P2RX7: variants seen among roughly 807,000 people sequenced by gnomAD.
P2RX7 encodes the protein purinergic receptor P2X 7.
A neutral mutation model predicts 71.6 loss-of-function variants in P2RX7; 62 were observed. The observed-to-expected ratio is 0.87, with a 90% confidence interval of 0.71 to 1.07. P2RX7 has a LOEUF of 1.07. Ranked by LOEUF, P2RX7 falls within the 50% of genes least tolerant of loss-of-function variation. The probability of loss-of-function intolerance (pLI) is 0.00; values close to 1 mark genes in which losing one functional copy is unlikely to be tolerated. For synonymous variants in P2RX7, 299 were observed against 283.3 expected, an observed-to-expected ratio of 1.06 and a Z score of -0.56; for missense variants, 686 against 748.5, an observed-to-expected ratio of 0.92 and a Z score of 0.97.
At chr12:121,144,447 C>A (rs541701358) in intron 1 of P2RX7, among the ~76,000 whole-genome samples, 124 of 152,348 alleles carry the variant, frequency 8.1e-4, no homozygotes, top group African/African-American at 2.8e-3. Flanking sequence ...GGCCACCCGC[C>A]TTGGCCTCCC....
intron 11 of P2RX7, among the ~76,000 whole-genome samples, chr12:121,178,546 C>A (rs921447278): frequency 6.6e-6 from 1 of 152,188 alleles, no homozygotes; most frequent in African/African-American, 2.4e-5. Context: ...AATCCCAACA[C>A]TTTGGGAGGC....
chr12:121,143,292 G>A (rs759392913), intron 1 of P2RX7, among the ~76,000 whole-genome samples: 4 of 151,700 alleles, frequency 2.6e-5, no homozygotes, highest in African/African-American at 4.8e-5. Context: ...TACTTGGCAG[G>A]CCGAGGCAGG....
intron 8 of P2RX7, among the ~76,000 whole-genome samples, chr12:121,173,832 A>G (rs1653602): frequency 0.39 from 58,950 of 151,698 alleles, 11,906 homozygotes; most frequent in African/African-American, 0.45. Context: ...GAGGGTTTGT[A>G]ATATGATTTT....
At chr12:121,165,528 A>G (rs1466908046) in intron 6 of P2RX7, 91 bp downstream of exon 6, 5 of 996,358 alleles carry the variant, frequency 5.0e-6, no homozygotes, top group Non-Finnish European at 4.7e-6. Flanking sequence ...ACAAACGCCT[A>G]TTGTCTCCCA....
At chr12:121,148,335 C>T (rs929151709) in intron 1 of P2RX7, among the ~76,000 whole-genome samples, 2 of 151,912 alleles carry the variant, frequency 1.3e-5, no homozygotes, top group African/African-American at 2.4e-5. Flanking sequence ...CCACCTCAGC[C>T]TCCCAAGTAG....
rs754445797 is a variant in P2RX7 at position 121,177,311 on chromosome 12, C to T, written c.1053C>T (p.Ile351=). The T allele has an allele frequency of 6.8e-6, 11 of 1,613,902 alleles. No individual in the cohort carries two copies. The African/African-American group carries it at 1.1e-4, about 16-fold the overall frequency. The change falls in exon 11 of 13, where the codon ATC becomes ATT. Residue 351 remains isoleucine, a synonymous_variant. Transcript: ENST00000328963. ...LSYFGLAAVF[I]DFLIDTYSSN... Reference sequence around the variant, plus strand: ...ATTCTCCCCAGGCCGCTGTGTTCATCGACTTCCTCATCGACACTTACTCCA... The same window carrying T: ...ATTCTCCCCAGGCCGCTGTGTTCATTGACTTCCTCATCGACACTTACTCCA...
At chr12:121,176,225 TTCA>T (rs1883086023) in intron 9 of P2RX7, among the ~76,000 whole-genome samples, 1 of 85,486 alleles carries the variant, frequency 1.2e-5, no homozygotes, top group African/African-American at 5.0e-5. Flanking sequence ...CCCCAGCCCC[TTCA>T]ACACACACAC....
intron 1 of P2RX7, among the ~76,000 whole-genome samples, chr12:121,147,624 G>GTTTT (rs1421730051): frequency 6.6e-6 from 1 of 151,844 alleles, no homozygotes; most frequent in Non-Finnish European, 1.5e-5. Flanking sequence ...TTGTTTGTTT[G>GTTTT]TTTGTCTTGA....
At chr12:121,141,161 CT>C (rs1290719717) in intron 1 of P2RX7, among the ~76,000 whole-genome samples, 1 of 152,216 alleles carries the variant, frequency 6.6e-6, no homozygotes, top group African/African-American at 2.4e-5. Context: ...TATCCGCATC[CT>C]TTTTTTCATG....
intron 1 of P2RX7, among the ~76,000 whole-genome samples, chr12:121,135,948 G>A (rs1444372390): frequency 5.1e-5 from 7 of 137,936 alleles, no homozygotes; most frequent in Non-Finnish European, 1.1e-4. Flanking sequence ...AGGTTGCAGT[G>A]AGCCAAGATT....
rs200573297 is a variant in P2RX7, at chr12:121,132,996, A to C, written c.26A>C (p.Asp9Ala). Reference protein sequence around the residue: MPACCSCSDVFQYETNKVT... With the variant: MPACCSCSAVFQYETNKVT... ...ATGCCGGCCTGCTGCAGCTGCAGTG[A>C]TGTTTTCCAGTATGAGACGAACAAA... The change falls in exon 1 of 13, where the codon GAT becomes GCT. Residue 9 changes from aspartate to alanine, a missense_variant. Coordinates refer to ENST00000328963, the MANE Select transcript of P2RX7 (RefSeq NM_002562.6). The C allele has an allele frequency of 6.8e-6, 11 of 1,613,778 alleles. No homozygotes were observed. The highest frequency in any genetic ancestry group is 8.5e-6 in the Non-Finnish European group (10 of 1,179,972).
In P2RX7 at chr12:121,180,454, C is replaced by G. The variant is rs10160951; in HGVS notation, c.1289C>G (p.Pro430Arg). The G allele has an allele frequency of 9.3e-3, 14,142 of 1,517,598 alleles. 812 individuals carry two copies. In the African/African-American group the frequency reaches 0.15, roughly 16 times the overall value. 94.0% of individuals were successfully genotyped at this position (1,517,598 alleles called of 1,614,324 possible). Residue 430 changes from proline (P) to arginine (R), a missense_variant and splice_region_variant, in exon 12 of 13, where the codon CCA becomes CGA. Coordinates refer to ENST00000328963, the MANE Select transcript of P2RX7 (RefSeq NM_002562.6). ...SLQDVKGQEV[P>R]RPAMDFTDLS... ...CAAGATGTCAAGGGCCAAGAAGTCC[C>G]AGTAAGTTAAATCATTTTGTCTTTT... is the stretch of plus-strand genomic sequence containing the variant.
intron 8 of P2RX7, among the ~76,000 whole-genome samples, chr12:121,168,290 T>C (rs1881532527): frequency 6.9e-6 from 1 of 143,954 alleles, no homozygotes. Flanking sequence ...CTTTTTTTTT[T>C]TTAGATGGAG....
At chr12:121,155,422 G>T (rs568975807) in intron 2 of P2RX7, 279 of 1,279,956 alleles carry the variant, frequency 2.2e-4, no homozygotes, top group Non-Finnish European at 2.7e-4. Context: ...AAGAAGAAAG[G>T]CATCGGTCAC....
At chr12:121,153,494 A>G (rs1877896030) in intron 1 of P2RX7, among the ~76,000 whole-genome samples, 1 of 152,108 alleles carries the variant, frequency 6.6e-6, no homozygotes, top group Admixed American at 6.5e-5. Flanking sequence ...CCTGACCAAC[A>G]TGGCGAAACC....
intron 8 of P2RX7, among the ~76,000 whole-genome samples, chr12:121,175,054 A>G (rs894252297): frequency 3.3e-5 from 5 of 152,132 alleles, no homozygotes; most frequent in African/African-American, 1.2e-4. Flanking sequence ...TCATGCCTGT[A>G]ACCCCAGAAC....
chr12:121,153,855 G>A (rs1878007112), intron 1 of P2RX7, among the ~76,000 whole-genome samples: 1 of 152,166 alleles, frequency 6.6e-6, no homozygotes, highest in South Asian at 2.1e-4. Context: ...GCCCACACCT[G>A]TAACCACAAC....
chr12:121,137,458 A>G (rs1873936833), intron 1 of P2RX7, among the ~76,000 whole-genome samples: 1 of 152,246 alleles, frequency 6.6e-6, no homozygotes, highest in Non-Finnish European at 1.5e-5. Context: ...TTGATGAGCC[A>G]TGATTTTCAT....
At chr12:121,178,827 CAA>C (rs1179810389) in intron 11 of P2RX7, among the ~76,000 whole-genome samples, 1 of 141,154 alleles carries the variant, frequency 7.1e-6, no homozygotes, top group Non-Finnish European at 1.5e-5. Context: ...TAGGACTTGA[CAA>C]GAGCAGATCT....
Sources: allele counts gnomAD v4.1 joint callset (sites outside exome capture counted in the v4.1 genomes callset), GRCh38; gene constraint gnomAD v4.1.1; transcripts MANE v1.5; gene names NCBI Gene and HGNC (gene_info 2026-07-23, HGNC 2026-07-21).